Variants in CA10 observed in about 807,000 individuals in gnomAD.
The protein encoded by CA10 is carbonic anhydrase-related protein 10.
In CA10, 14 loss-of-function variants were observed where a neutral mutation model predicts 44.2. The observed-to-expected ratio is 0.32, with a 90% CI of 0.21 to 0.50. The LOEUF is 0.50. CA10 is among the 20% of genes least tolerant of loss of function. The pLI is 0.99. For synonymous variants in CA10, 159 were observed against 141.6 expected (o/e 1.12, Z -0.87); for missense variants, 350 against 409.7 (o/e 0.85, Z 1.26).
chr17:51,776,961 G>A (rs1405738743), intron 3 of CA10, among the ~76,000 whole-genome samples: 1 of 152,164 alleles, frequency 6.6e-6, no homozygotes, highest in Non-Finnish European at 1.5e-5. Context: ...GCCAGAGGAA[G>A]CCAGAGGCAG....
intron 2 of CA10, among the ~76,000 whole-genome samples, chr17:52,039,625 C>T (rs1178530027): frequency 1.3e-5 from 2 of 152,044 alleles, no homozygotes; most frequent in African/African-American, 4.8e-5. Flanking sequence ...AAAGCTAATA[C>T]CACCTTAAGC....
intron 4 of CA10, among the ~76,000 whole-genome samples, chr17:51,695,811 T>A (rs2143442429): frequency 6.6e-6 from 1 of 152,356 alleles, no homozygotes; most frequent in East Asian, 1.9e-4. Flanking sequence ...TTGTCATAGA[T>A]GGCTCCTATT....
intron 3 of CA10, among the ~76,000 whole-genome samples, chr17:51,792,140 T>C (rs906842230): frequency 4.6e-5 from 7 of 152,150 alleles, no homozygotes; most frequent in African/African-American, 1.7e-4. Flanking sequence ...GTAATTCTCA[T>C]AGAAGAGAAG....
chr17:52,131,953 T>C (rs1989250689), intron 1 of CA10, among the ~76,000 whole-genome samples: 1 of 151,538 alleles, frequency 6.6e-6, no homozygotes, highest in Non-Finnish European at 1.5e-5. Context: ...AGATGGGAAT[T>C]GAAAAATGAG....
chr17:52,018,520 C>T (rs528362660), intron 2 of CA10, among the ~76,000 whole-genome samples: 1 of 152,208 alleles, frequency 6.6e-6, no homozygotes, highest in East Asian at 1.9e-4. Context: ...GCTTGTTACT[C>T]CTCTCTTTTG....
intron 3 of CA10, among the ~76,000 whole-genome samples, chr17:51,864,278 T>C (rs1210660382): frequency 6.6e-6 from 1 of 152,166 alleles, no homozygotes; most frequent in Admixed American, 6.5e-5. Flanking sequence ...ATAGGGATAA[T>C]GATTATGCAC....
At chr17:52,070,054 C>T (rs1183634008) in intron 2 of CA10, among the ~76,000 whole-genome samples, 1 of 152,144 alleles carries the variant, frequency 6.6e-6, no homozygotes, top group Non-Finnish European at 1.5e-5. Context: ...ATGTTAGAGC[C>T]CCAGGTTCAG....
At chr17:51,781,403 T>C (rs901273691) in intron 3 of CA10, among the ~76,000 whole-genome samples, 4 of 152,184 alleles carry the variant, frequency 2.6e-5, no homozygotes, top group African/African-American at 7.2e-5. Context: ...AGTTCGGAAA[T>C]AGGCTCTAGA....
chr17:51,958,937 A>C (rs1041039314), intron 2 of CA10, among the ~76,000 whole-genome samples: 1 of 152,192 alleles, frequency 6.6e-6, no homozygotes, highest in African/African-American at 2.4e-5. Flanking sequence ...AAATTCAGAA[A>C]AGTAAATAAT....
At chr17:52,146,675 T>C (rs1413438737) in intron 1 of CA10, among the ~76,000 whole-genome samples, 1 of 90,110 alleles carries the variant, frequency 1.1e-5, no homozygotes, top group East Asian at 2.0e-4. Flanking sequence ...CGTCTCAAAA[T>C]AAATAAATAA....
intron 4 of CA10, among the ~76,000 whole-genome samples, chr17:51,672,118 G>C (rs1914451147): frequency 6.6e-6 from 1 of 152,150 alleles, no homozygotes; most frequent in Non-Finnish European, 1.5e-5. Flanking sequence ...AAAACACCTA[G>C]TATCCACCAG....
At position 51,840,645 on chromosome 17, in the gene CA10, T is replaced by C. The variant is rs564218102; in HGVS notation, c.279+90345A>G. ...GGTCTTAGCTTGAGGATGGGAAGGA[T>C]GATGATTTCAGTTTTGAATATATTG... On this transcript the variant is annotated intron_variant, in intron 3 of 8. Coordinates refer to ENST00000451037, the MANE Select transcript of CA10 (RefSeq NM_020178.5). Among the ~76,000 whole-genome samples the C allele has an allele frequency of 2.0e-5, 3 of 152,228 alleles. No individual in the cohort carries two copies. The East Asian group carries it at 5.8e-4, about 29-fold the overall frequency.
At chr17:52,021,089 T>C (rs535441046) in intron 2 of CA10, among the ~76,000 whole-genome samples, 1 of 152,178 alleles carries the variant, frequency 6.6e-6, no homozygotes, top group East Asian at 1.9e-4. Flanking sequence ...ATAACAAACC[T>C]ACTCATGTAC....
chr17:51,689,015 C>T (rs1010574302), intron 4 of CA10, among the ~76,000 whole-genome samples: 1 of 152,112 alleles, frequency 6.6e-6, no homozygotes, highest in Admixed American at 6.5e-5. Flanking sequence ...GTAACGGAGG[C>T]ACAGATTTAA....
rs1982457366 is a variant in CA10 at position 51,926,967 on chromosome 17, C to G, written c.279+4023G>C. Among the ~76,000 whole-genome samples, 4 of 152,122 alleles carry G rather than the reference C, an allele frequency of 2.6e-5. No homozygotes were observed. The South Asian group carries it at 8.3e-4, about 32-fold the overall frequency. The stretch of plus-strand genomic sequence containing the variant: ...GAGAGGTTAGAACATACGTATTTTT[C>G]AGATTACCAAATTAATGCAAGTCTG... On this transcript the variant is annotated intron_variant, in intron 3 of 8. Coordinates refer to ENST00000451037, the MANE Select transcript of CA10 (RefSeq NM_020178.5).
At chr17:51,841,373 A>G (rs1427777912) in intron 3 of CA10, among the ~76,000 whole-genome samples, 1 of 152,184 alleles carries the variant, frequency 6.6e-6, no homozygotes, top group Admixed American at 6.5e-5. Context: ...CTCTGGCAGC[A>G]TCTTCCCCAG....
intron 2 of CA10, among the ~76,000 whole-genome samples, chr17:51,973,024 C>A (rs999298488): frequency 3.3e-5 from 5 of 152,152 alleles, no homozygotes; most frequent in Non-Finnish European, 5.9e-5. Context: ...ATTGATGAGG[C>A]AGCATTCTAC....
At chr17:51,949,007 A>G (rs1983386085) in intron 2 of CA10, among the ~76,000 whole-genome samples, 1 of 152,168 alleles carries the variant, frequency 6.6e-6, no homozygotes, top group African/African-American at 2.4e-5. Flanking sequence ...CATTTGTTTC[A>G]TATATAAGAA....
intron 3 of CA10, among the ~76,000 whole-genome samples, chr17:51,792,721 G>A (rs1432958056): frequency 3.3e-5 from 5 of 152,212 alleles, no homozygotes; most frequent in Non-Finnish European, 4.4e-5. Flanking sequence ...ATTATACAGT[G>A]AGGAGTCATA....
Sources: gnomAD v4.1 joint callset for allele counts (sites outside exome capture counted in the v4.1 genomes callset) on GRCh38, gnomAD v4.1.1 for gene constraint, MANE v1.5 for transcripts, NCBI Gene and HGNC (gene_info 2026-07-23, HGNC 2026-07-21) for gene names.